The following SNX6 variants were observed in gnomAD, a reference collection of about 807,000 sequenced individuals.
The protein encoded by SNX6 is sorting nexin 6.
In SNX6, 34 loss-of-function variants were observed where a neutral mutation model predicts 63.0. The ratio of observed to expected loss-of-function variants is 0.54; its 90% CI spans 0.41 to 0.72. SNX6 has a LOEUF of 0.72. Ranked by LOEUF, SNX6 falls within the 30% of genes least tolerant of loss-of-function variation. SNX6 has a pLI of 0.00. For missense variants in SNX6, 398 were observed against 471.4 expected (o/e 0.84, Z 1.44); for synonymous variants, 170 against 164.2 (o/e 1.04, Z -0.27).
chr14:34,590,002 C>T (rs1403446939), intron 8 of SNX6, among the ~76,000 whole-genome samples: 1 of 152,074 alleles, frequency 6.6e-6, no homozygotes, highest in Non-Finnish European at 1.5e-5. Context: ...TGCCTGTGGT[C>T]CCAGCTACTT....
intron 7 of SNX6, among the ~76,000 whole-genome samples, chr14:34,593,829 C>T (rs1473151994): frequency 1.3e-5 from 2 of 151,952 alleles, no homozygotes; most frequent in African/African-American, 2.4e-5. Flanking sequence ...CCGCCCACCT[C>T]GGCCTCCCAA....
intron 6 of SNX6, among the ~76,000 whole-genome samples, chr14:34,598,928 G>C (rs913582634): frequency 4.6e-5 from 7 of 152,106 alleles, no homozygotes; most frequent in African/African-American, 1.7e-4. Flanking sequence ...GAAGTGATTA[G>C]GTCATGAGGG....
rs200575142 is a variant in SNX6 at position 34,563,575 on chromosome 14, G to GA, written c.1168-401dup. Among the ~76,000 whole-genome samples, 117 of 142,866 alleles carry GA rather than the reference G, an allele frequency of 8.2e-4. 1 individual carries two copies. The highest frequency in any genetic ancestry group is 2.3e-3 in the African/African-American group (90 of 38,692). The allele number at this position is 142,866 out of a possible 152,430, so 93.7% of individuals were successfully genotyped here. The stretch of plus-strand genomic sequence containing the variant: ...CTGCGTCTCAAAAAAAAAAAAATAA[G>GA]AAAAAAAAAATATAGTGTTAGAAGT... On this transcript the variant is annotated intron_variant, in intron 13 of 13. Coordinates refer to ENST00000362031, the MANE Select transcript of SNX6 (RefSeq NM_152233.4).
chr14:34,580,014 A>G (rs1386209899), intron 10 of SNX6, among the ~76,000 whole-genome samples: 1 of 152,046 alleles, frequency 6.6e-6, no homozygotes, highest in Non-Finnish European at 1.5e-5. Flanking sequence ...GTGAAACCCC[A>G]TCTCTACTAA....
intron 7 of SNX6, among the ~76,000 whole-genome samples, chr14:34,593,502 C>T (rs1157972615): frequency 6.7e-6 from 1 of 149,466 alleles, no homozygotes; most frequent in Non-Finnish European, 1.5e-5. Context: ...CGGGTTCAAG[C>T]GATTCTCCTG....
At chr14:34,568,065 T>C (rs778641611) in intron 11 of SNX6, 52 bp from the exon 12 acceptor site, 37 of 1,508,554 alleles carry the variant, frequency 2.5e-5, no homozygotes, top group Non-Finnish European at 3.3e-5. Context: ...TTTCCAGTAG[T>C]CACACCCAGC....
At chr14:34,605,470 G>C (rs1359472920) in intron 5 of SNX6, 126 bp downstream of exon 5, 2 of 718,108 alleles carry the variant, frequency 2.8e-6, no homozygotes, top group African/African-American at 1.8e-5. Context: ...ACTTAAACCT[G>C]CATCTTCCAG....
At chr14:34,597,454 G>T in intron 7 of SNX6, 96 bp downstream of exon 7, 1 of 768,866 alleles carries the variant, frequency 1.3e-6, no homozygotes. Context: ...CCGTCCAAAT[G>T]TCTTTTACTC....
At chr14:34,627,893 T>A (rs960506841) in intron 2 of SNX6, among the ~76,000 whole-genome samples, 3 of 152,164 alleles carry the variant, frequency 2.0e-5, no homozygotes, top group Admixed American at 1.3e-4. Flanking sequence ...AATGCTGGGA[T>A]TAAAGGTGTG....
chr14:34,576,073 G>A (rs533066695), intron 10 of SNX6, among the ~76,000 whole-genome samples: 4 of 151,240 alleles, frequency 2.6e-5, no homozygotes, highest in South Asian at 2.1e-4. Flanking sequence ...ACAGGCGCCC[G>A]CCACCACGCC....
chr14:34,569,019 G>A, intron 11 of SNX6: 1 of 1,463,002 alleles, frequency 6.8e-7, no homozygotes. Context: ...CCAGCAGCTT[G>A]ACGGTGTCCA....
At chr14:34,599,585 C>T (rs866862233) in intron 6 of SNX6, among the ~76,000 whole-genome samples, 2 of 147,372 alleles carry the variant, frequency 1.4e-5, no homozygotes, top group African/African-American at 5.0e-5. Flanking sequence ...CCAGCCTGGA[C>T]AACAAGAGCG....
intron 2 of SNX6, among the ~76,000 whole-genome samples, chr14:34,610,240 T>C (rs972219694): frequency 6.7e-6 from 1 of 149,944 alleles, no homozygotes; most frequent in Non-Finnish European, 1.5e-5. Context: ...ACACCTGTGG[T>C]CTCAGTACAC....
rs777229035 is a variant in SNX6, at chr14:34,581,546, T to C, written c.834+15A>G. The C allele has an allele frequency of 2.2e-6, 3 of 1,385,742 alleles. No individual in the cohort carries two copies. The highest frequency in any genetic ancestry group is 1.7e-5 in the Admixed American group (1 of 57,268). The allele number at this position is 1,385,742 out of a possible 1,614,324, so 85.8% of individuals were successfully genotyped here. Reference sequence around the variant, plus strand: ...CACAATATTATGCAGTATATCTCTATAATTTAGTACTTACTCTTGTTTTAT... The same window carrying C: ...CACAATATTATGCAGTATATCTCTACAATTTAGTACTTACTCTTGTTTTAT... On this transcript the variant is annotated intron_variant, in intron 10 of 13. Coordinates refer to ENST00000362031, the MANE Select transcript of SNX6 (RefSeq NM_152233.4).
chr14:34,563,466 A>G (rs1408086856), intron 13 of SNX6, among the ~76,000 whole-genome samples: 1 of 151,998 alleles, frequency 6.6e-6, no homozygotes, highest in Non-Finnish European at 1.5e-5. Context: ...TGCTGAGGCA[A>G]GAGAATGGCA....
chr14:34,606,453 CTT>C (rs56390466), intron 4 of SNX6, among the ~76,000 whole-genome samples: 2 of 141,606 alleles, frequency 1.4e-5, no homozygotes, highest in African/African-American at 2.6e-5. Flanking sequence ...TCCAACTCTT[CTT>C]TTTTTTTTTT....
At chr14:34,584,836 CAA>C (rs1162123715) in intron 9 of SNX6, among the ~76,000 whole-genome samples, 9 of 151,524 alleles carry the variant, frequency 5.9e-5, no homozygotes, top group African/African-American at 1.9e-4. Flanking sequence ...GAAAAAATAT[CAA>C]CCCAAGTTTT....
Position 34,581,601 on chromosome 14 carries a change from C to T in SNX6, c.795-1G>A. 6.8e-7 allele frequency: 1 copy of T among 1,477,926 alleles called. No individual in the cohort carries two copies. The highest frequency in any genetic ancestry group is 9.4e-7 in the Non-Finnish European group (1 of 1,064,852). 91.6% of individuals were successfully genotyped at this position (1,477,926 alleles called of 1,614,324 possible). On this transcript the variant is annotated splice_acceptor_variant, in intron 9 of 13. Coordinates refer to ENST00000362031, the MANE Select transcript of SNX6 (RefSeq NM_152233.4). LOFTEE classifies it high-confidence loss of function. The stretch of plus-strand genomic sequence containing the variant: ...CAGTTCTGAAACTTTGAGAAAAAAC[C>T]TGGAAAGGAAAATATTTTCATCATA...
intron 5 of SNX6, among the ~76,000 whole-genome samples, chr14:34,604,634 AT>A (rs1308958838): frequency 2.0e-5 from 3 of 152,142 alleles, no homozygotes; most frequent in African/African-American, 4.8e-5. Context: ...CAAATCCAAA[AT>A]TACTCCAAAT....
Sources: gnomAD v4.1 joint callset for allele counts (sites outside exome capture counted in the v4.1 genomes callset) on GRCh38, gnomAD v4.1.1 for gene constraint, MANE v1.5 for transcripts, NCBI Gene and HGNC (gene_info 2026-07-23, HGNC 2026-07-21) for gene names.